PRRC2C: variants seen among roughly 807,000 people sequenced by gnomAD.
The protein encoded by PRRC2C is protein PRRC2C.
A neutral mutation model predicts 317.2 loss-of-function variants in PRRC2C; 72 were observed. That is an observed-to-expected ratio of 0.23 (90% CI 0.19 to 0.28). The LOEUF is 0.28. Ranked by LOEUF, PRRC2C falls within the 10% of genes least tolerant of loss-of-function variation. PRRC2C has a pLI of 1.00. For synonymous variants in PRRC2C, 1,296 were observed against 1,205.9 expected (o/e 1.07, Z -1.55); for missense variants, 3,074 against 3,459.7 (o/e 0.89, Z 2.80).
intron 30 of PRRC2C, among the ~76,000 whole-genome samples, chr1:171,586,209 C>G (rs1231541038): frequency 2.0e-5 from 3 of 150,528 alleles, no homozygotes; most frequent in Non-Finnish European, 3.0e-5. Context: ...ATTACAGGCA[C>G]CCACCACCAT....
At chr1:171,520,408 GA>G (rs1673337987) in intron 6 of PRRC2C, among the ~76,000 whole-genome samples, 1 of 152,228 alleles carries the variant, frequency 6.6e-6, no homozygotes, top group South Asian at 2.1e-4. Context: ...GGATAGGAAA[GA>G]GGGGAAACCA....
intron 27 of PRRC2C, 45 bp downstream of exon 27, chr1:171,579,511 T>G (rs763368397): frequency 3.1e-6 from 5 of 1,599,190 alleles, no homozygotes; most frequent in Non-Finnish European, 4.3e-6. Context: ...TCCTTCGCAT[T>G]TCTGTGGTTA....
chr1:171,568,357 G>C lies in PRRC2C; in HGVS notation c.6651+18G>C, dbSNP rs1383870840. The C allele has an allele frequency of 1.0e-5, 16 of 1,580,940 alleles. No homozygotes were observed. The highest frequency in any genetic ancestry group is 1.4e-5 in the Non-Finnish European group (16 of 1,161,594). The stretch of plus-strand genomic sequence containing the variant: ...TTAATAATGTAAGTAATCAGTTTGA[G>C]ATGTGGCAAGTTTGGATTGGAACCT... On this transcript the variant is annotated intron_variant, in intron 23 of 34. Coordinates refer to ENST00000647382, the MANE Select transcript of PRRC2C (RefSeq NM_001387844.1).
rs371420773 is a variant in PRRC2C, at chr1:171,571,711, TTAA to T, written c.6753+295_6753+297del. On this transcript the variant is annotated intron_variant, in intron 24 of 34. Transcript: ENST00000647382. ...TTGTGTTAAGTTCCTCCCAGAGATC[TTAA>T]TAATTTTTGGATATATGGGTTTGTA... 2.0e-5 allele frequency among the ~76,000 whole-genome samples: 3 copies of T among 152,310 alleles called. No individual in the cohort carries two copies. In the East Asian group the frequency reaches 5.8e-4, roughly 29 times the overall value.
At position 171,517,623 on chromosome 1, in the gene PRRC2C, G is replaced by T; in HGVS notation, c.559G>T (p.Ala187Ser). 1 of 1,612,822 alleles carries T rather than the reference G, an allele frequency of 6.2e-7. No homozygotes were observed. Among genetic ancestry groups the T allele is most frequent in the Non-Finnish European group, 8.5e-7 (1 of 1,179,684 alleles). Residue 187 changes from alanine to serine, a missense_variant, in exon 6 of 35, where the codon GCT becomes TCT. By Grantham distance (99) the Ala-to-Ser change is moderately conservative. This residue lies in a region of PRRC2C where 237 missense variants were observed against 199.5 expected (regional missense o/e 1.19). Transcript: ENST00000647382. ...TTGTTGGAGAGATGGTGGTAAGGCTGCTGGCTCACCTTCGTCATCTGATCA... is the reference window on the plus strand; with the variant it reads ...TTGTTGGAGAGATGGTGGTAAGGCTTCTGGCTCACCTTCGTCATCTGATCA... ...VACWRDGGKAAGSPSSSDQDE... is the reference protein window; with the variant it reads ...VACWRDGGKASGSPSSSDQDE...
chr1:171,558,240 CA>C, intron 19 of PRRC2C, 97 bp downstream of exon 19: 1 of 1,347,748 alleles, frequency 7.4e-7, no homozygotes, highest in Non-Finnish European at 9.7e-7. Flanking sequence ...GTTTTCTAGC[CA>C]TCTCATTTTT....
At chr1:171,573,673 C>CTTTTTTTTT (rs1024285954) in intron 24 of PRRC2C, among the ~76,000 whole-genome samples, 91 of 85,792 alleles carry the variant, frequency 1.1e-3, no homozygotes, top group Non-Finnish European at 1.2e-3. Flanking sequence ...TCTCAAAATT[C>CTTTTTTTTT]TTTTTTTTTT....
At chr1:171,555,903 C>G (rs1681279429) in intron 18 of PRRC2C, among the ~76,000 whole-genome samples, 1 of 152,230 alleles carries the variant, frequency 6.6e-6, no homozygotes, top group Non-Finnish European at 1.5e-5. Flanking sequence ...GGCAGTCTGT[C>G]TCTTCTCAGA....
At chr1:171,508,087 C>G (rs1393332774) in intron 1 of PRRC2C, among the ~76,000 whole-genome samples, 2 of 152,196 alleles carry the variant, frequency 1.3e-5, no homozygotes, top group African/African-American at 4.8e-5. Context: ...ATGTCATCTG[C>G]AAACAGGGAT....
At chr1:171,566,897 G>T in intron 22 of PRRC2C, 54 bp downstream of exon 22, 1 of 1,529,936 alleles carries the variant, frequency 6.5e-7, no homozygotes, top group Non-Finnish European at 8.8e-7. Flanking sequence ...TGTCTAAAAT[G>T]AACGAGAAGA....
At chr1:171,514,114 G>C (rs143260154) in intron 3 of PRRC2C, among the ~76,000 whole-genome samples, 12 of 152,208 alleles carry the variant, frequency 7.9e-5, no homozygotes, top group African/African-American at 2.9e-4. Flanking sequence ...CCTGTTGACT[G>C]CCAGGTGGGG....
rs929953333 is a variant in PRRC2C at position 171,513,723 on chromosome 1, A to C, written c.290+551A>C. Among the ~76,000 whole-genome samples, 40 of 152,304 alleles carry C rather than the reference A, an allele frequency of 2.6e-4. 1 individual carries two copies. The highest frequency in any genetic ancestry group is 9.1e-4 in the African/African-American group (38 of 41,564). ...TTAGCTAATTGAATGACCAAGCCTA[A>C]ATAGTGGTAATTTAAAAAAAATAAG... On this transcript the variant is annotated intron_variant, in intron 3 of 34. Transcript: ENST00000647382.
At position 171,549,575 on chromosome 1, in the gene PRRC2C, T is replaced by A. The variant is rs185931001; in HGVS notation, c.4973-511T>A. On this transcript the variant is annotated intron_variant, in intron 17 of 34. Transcript: ENST00000647382. Reference sequence around the variant, plus strand: ...TCATTCAAAACAGGTATTTTTAGGATTTTTTGGACAGAGTCGCACTCTGTC... The same window carrying A: ...TCATTCAAAACAGGTATTTTTAGGAATTTTTGGACAGAGTCGCACTCTGTC... Among the ~76,000 whole-genome samples, 96 of 152,168 alleles carry A rather than the reference T, an allele frequency of 6.3e-4. 1 individual carries two copies. The highest frequency in any genetic ancestry group is 2.4e-3 in the Admixed American group (36 of 15,270).
chr1:171,510,368 A>G (rs1360810372), intron 1 of PRRC2C: 1 of 152,202 alleles, frequency 6.6e-6, no homozygotes, highest in Non-Finnish European at 1.5e-5. Context: ...ATTCTTAGTT[A>G]AATAACTTAA....
intron 28 of PRRC2C, among the ~76,000 whole-genome samples, chr1:171,580,899 C>CA (rs1230506626): frequency 6.6e-6 from 1 of 152,130 alleles, no homozygotes; most frequent in Non-Finnish European, 1.5e-5. Context: ...GAAGTGGGTT[C>CA]AGATAGAATT....
intron 9 of PRRC2C, among the ~76,000 whole-genome samples, chr1:171,524,475 A>G (rs1674198070): frequency 6.6e-6 from 1 of 152,216 alleles, no homozygotes; most frequent in Admixed American, 6.5e-5. Flanking sequence ...TTTTTATTAA[A>G]TCAGAATAAA....
intron 1 of PRRC2C, among the ~76,000 whole-genome samples, chr1:171,495,584 G>A (rs988892573): frequency 6.6e-6 from 1 of 152,114 alleles, no homozygotes; most frequent in African/African-American, 2.4e-5. Flanking sequence ...TTTATTTAAG[G>A]AGAAGTATGT....
chr1:171,501,685 C>G (rs1669145384), intron 1 of PRRC2C, among the ~76,000 whole-genome samples: 1 of 152,106 alleles, frequency 6.6e-6, no homozygotes. Context: ...AATAAAAAAG[C>G]TTTTCAAAAT....
Position 171,524,896 on chromosome 1 carries a change from A to G in PRRC2C, c.1131A>G (p.Ser377=). The change falls in exon 10 of 35, where the codon TCA becomes TCG. Residue 377 remains serine, a synonymous_variant. Coordinates refer to ENST00000647382, the MANE Select transcript of PRRC2C (RefSeq NM_001387844.1). The part of the protein sequence containing the change: ...KETDEVSNTK[S]SSQIPAQPSV... ...CAGATGAAGTTTCCAACACTAAATC[A>G]TCTTCCCAAATACCTGCCCAACCAT... 3 of 1,610,976 alleles carry G rather than the reference A, an allele frequency of 1.9e-6. No homozygotes were observed. The highest frequency in any genetic ancestry group is 1.7e-6 in the Non-Finnish European group (2 of 1,178,274).
Sources: allele counts gnomAD v4.1 joint callset (sites outside exome capture counted in the v4.1 genomes callset), GRCh38; gene constraint gnomAD v4.1.1; regional missense constraint gnomAD v4.1.1; transcripts MANE v1.5; gene names NCBI Gene and HGNC (gene_info 2026-07-23, HGNC 2026-07-21).